The following KIF4A variants were observed in gnomAD, a reference collection of about 807,000 sequenced individuals.
The protein encoded by KIF4A is chromosome-associated kinesin KIF4A.
Under a neutral mutation model 105.9 loss-of-function variants are expected in KIF4A, and 7 were observed. That is an observed-to-expected ratio of 0.07 (90% CI 0.04 to 0.12). The LOEUF (loss-of-function observed/expected upper bound fraction) is 0.12. Ranked by LOEUF, KIF4A falls within the 10% of genes least tolerant of loss-of-function variation. The probability of loss-of-function intolerance (pLI) is 1.00; values close to 1 mark genes in which losing one functional copy is unlikely to be tolerated. For missense variants in KIF4A, 558 were observed against 929.2 expected, an observed-to-expected ratio of 0.60 and a Z score of 5.19; for synonymous variants, 281 against 331.3, an observed-to-expected ratio of 0.85 and a Z score of 1.65.
At chrX:70,362,330 G>C in intron 15 of KIF4A, 1 of 318,668 alleles carries the variant, frequency 3.1e-6, no homozygotes, top group East Asian at 8.5e-5. Flanking sequence ...TGCGGATGTA[G>C]AGAGGGTAAT....
Position 70,349,988 on chromosome X carries a change from T to G in KIF4A, c.1432-2612T>G, listed in dbSNP as rs1275544814. On this transcript the variant is annotated intron_variant, in intron 13 of 30. Coordinates refer to ENST00000374403, the MANE Select transcript of KIF4A (RefSeq NM_012310.5). ...AGACGGGGCGGCCGGGCAGAGGCGC[T>G]CCTCACTTCCCAGACGGGGCAGCCG... Among the ~76,000 whole-genome samples, 8 of 109,525 alleles carry G rather than the reference T, an allele frequency of 7.3e-5. No individual in the cohort carries two copies. The East Asian group carries it at 2.1e-3, about 29-fold the overall frequency.
chrX:70,413,629 CAAAAAA>C (rs59508236), intron 28 of KIF4A, among the ~76,000 whole-genome samples: 6 of 75,853 alleles, frequency 7.9e-5, no homozygotes, highest in Non-Finnish European at 1.2e-4. Context: ...GACTCCATCT[CAAAAAA>C]AAAAAAAAAA....
At chrX:70,382,354 C>T (rs1455327114) in intron 18 of KIF4A, among the ~76,000 whole-genome samples, 1 of 112,247 alleles carries the variant, frequency 8.9e-6, no homozygotes, top group Non-Finnish European at 1.9e-5. Context: ...TCACTTGAAC[C>T]TGGGAGGCAG....
intron 18 of KIF4A, among the ~76,000 whole-genome samples, chrX:70,383,170 G>C (rs1307794264): frequency 2.0e-5 from 2 of 100,266 alleles, no homozygotes; most frequent in African/African-American, 7.4e-5. Flanking sequence ...CTGGGCAATA[G>C]AGTGAGACTC....
chrX:70,419,183 T>C (rs773729041), intron 29 of KIF4A, among the ~76,000 whole-genome samples: 7 of 112,015 alleles, frequency 6.2e-5, no homozygotes, highest in African/African-American at 1.9e-4. Flanking sequence ...TCTATTCCTG[T>C]GGTTTTTCAG....
intron 15 of KIF4A, among the ~76,000 whole-genome samples, chrX:70,355,505 T>C (rs1471173837): frequency 1.8e-5 from 2 of 111,749 alleles, no homozygotes; most frequent in Admixed American, 9.5e-5. Context: ...GGCCAATAAT[T>C]TGCACTTCTA....
chrX:70,335,968 T>A (rs766108581), intron 10 of KIF4A, among the ~76,000 whole-genome samples: 1 of 112,433 alleles, frequency 8.9e-6, no homozygotes, highest in South Asian at 3.7e-4. Context: ...ACCATTATTC[T>A]CGCTACGCCT....
At chrX:70,372,425 A>G (rs1403519154) in intron 15 of KIF4A, among the ~76,000 whole-genome samples, 4 of 112,921 alleles carry the variant, frequency 3.5e-5, no homozygotes, top group African/African-American at 6.4e-5. Flanking sequence ...CGGATCACTC[A>G]CGGTTAGGAG....
rs1397095162 is a variant in KIF4A, at chrX:70,322,664, C to T, written c.779-6741C>T. Among the ~76,000 whole-genome samples, 3 of 105,571 alleles carry T rather than the reference C, an allele frequency of 2.8e-5. No individual in the cohort carries two copies. In the East Asian group the frequency reaches 8.9e-4, roughly 31 times the overall value. The allele number at this position is 105,571 out of a possible 115,157, so 91.7% of individuals were successfully genotyped here. ...CACCGGCAGTGAATAATATCAATAT[C>T]CACCCAGTCACCCAAGACAGAAACC... On this transcript the variant is annotated intron_variant, in intron 7 of 30. Coordinates refer to ENST00000374403, the MANE Select transcript of KIF4A (RefSeq NM_012310.5).
chrX:70,419,602 G>A (rs2086358288), intron 29 of KIF4A, 59 bp from the exon 30 acceptor site: 1 of 1,189,986 alleles, frequency 8.4e-7, no homozygotes, highest in African/African-American at 1.8e-5. Flanking sequence ...AATGGGAGCA[G>A]ACTGATTTTG....
chrX:70,291,515 T>C (rs144544759), intron 3 of KIF4A, among the ~76,000 whole-genome samples: 58 of 111,308 alleles, frequency 5.2e-4, no homozygotes, highest in African/African-American at 1.8e-3. Flanking sequence ...TAATCTTTAC[T>C]GGGGAAGCTA....
At chrX:70,290,851 C>A in intron 3 of KIF4A, 46 bp downstream of exon 3, 1 of 890,738 alleles carries the variant, frequency 1.1e-6, no homozygotes, top group Non-Finnish European at 1.6e-6. Context: ...ATTCCTTGAG[C>A]ATATACTATG....
At chrX:70,373,522 A>ATG (rs1364198050) in intron 15 of KIF4A, among the ~76,000 whole-genome samples, 4 of 5,272 alleles carry the variant, frequency 7.6e-4, no homozygotes, top group Non-Finnish European at 1.1e-3. Flanking sequence ...ATGTGTGTGT[A>ATG]TGTATATATA....
intron 20 of KIF4A, among the ~76,000 whole-genome samples, chrX:70,389,683 C>T (rs752615343): frequency 8.9e-6 from 1 of 112,684 alleles, no homozygotes; most frequent in East Asian, 2.8e-4. Context: ...TTTGACTGGA[C>T]ACCTTTGTCA....
chrX:70,406,271 C>T lies in KIF4A; in HGVS notation c.2989C>T (p.Leu997Phe). The T allele has an allele frequency of 8.3e-7, 1 of 1,207,632 alleles. No individual in the cohort carries two copies. Among genetic ancestry groups the T allele is most frequent in the Non-Finnish European group, 1.1e-6 (1 of 891,997 alleles). The change falls in exon 27 of 31, where the codon CTC (leucine) becomes TTC (phenylalanine). Residue 997 changes from leucine to phenylalanine, a missense_variant. Transcript: ENST00000374403. Reference protein sequence around the residue: ...NEIIKQKLTLLQVASRQKHLP... With the variant: ...NEIIKQKLTLFQVASRQKHLP... ...TCTTTTCAAATAGAAACTGACCCTC[C>T]TCCAGGTAGCCAGCAGACAGAAACA...
intron 7 of KIF4A, among the ~76,000 whole-genome samples, chrX:70,306,837 G>A (rs1002932886): frequency 1.8e-5 from 2 of 109,181 alleles, no homozygotes; most frequent in Admixed American, 9.8e-5. Context: ...CACCGTGCCC[G>A]GCCTCTTTTT....
intron 28 of KIF4A, among the ~76,000 whole-genome samples, chrX:70,414,549 G>T (rs1282501772): frequency 8.9e-6 from 1 of 112,129 alleles, no homozygotes; most frequent in Admixed American, 9.5e-5. Flanking sequence ...ACAAATTGGT[G>T]TATAGTCAAG....
At chrX:70,400,030 TTTTTA>T (rs2086274865) in intron 22 of KIF4A, among the ~76,000 whole-genome samples, 1 of 106,932 alleles carries the variant, frequency 9.4e-6, no homozygotes, top group Non-Finnish European at 1.9e-5. Flanking sequence ...CTCTTTTTTT[TTTTTA>T]TTATACTTTA....
chrX:70,296,723 C>A (rs147439577), intron 3 of KIF4A, among the ~76,000 whole-genome samples: 100 of 112,507 alleles, frequency 8.9e-4, no homozygotes, highest in African/African-American at 3.0e-3. Context: ...TCAGTCATAT[C>A]TTTTAAGTGT....
Sources: allele counts gnomAD v4.1 joint callset (sites outside exome capture counted in the v4.1 genomes callset), GRCh38; gene constraint gnomAD v4.1.1; transcripts MANE v1.5; gene names NCBI Gene and HGNC (gene_info 2026-07-23, HGNC 2026-07-21).